NUBPL: variants seen among roughly 807,000 people sequenced by gnomAD.
NUBPL encodes the protein iron-sulfur cluster transfer protein NUBPL.
A neutral mutation model predicts 45.7 loss-of-function variants in NUBPL; 31 were observed. That is an observed-to-expected ratio of 0.68 (90% CI 0.51 to 0.92). The LOEUF (loss-of-function observed/expected upper bound fraction) is 0.92, where lower values mean the gene tolerates loss of function less well. Among genes scored for constraint, NUBPL ranks in the 40% least tolerant of loss-of-function variants. NUBPL has a pLI of 0.00. For missense variants in NUBPL, 401 were observed against 398.7 expected (o/e 1.01, Z -0.05); for synonymous variants, 144 against 140.9 (o/e 1.02, Z -0.15).
intron 8 of NUBPL, among the ~76,000 whole-genome samples, chr14:31,840,417 C>CA (rs1282645303): frequency 2.0e-5 from 3 of 151,700 alleles, no homozygotes; most frequent in Admixed American, 2.0e-4. Flanking sequence ...ACTAGAAATA[C>CA]AAAAAAATTA....
At chr14:31,804,503 G>C (rs1429868558) in intron 7 of NUBPL, among the ~76,000 whole-genome samples, 1 of 152,056 alleles carries the variant, frequency 6.6e-6, no homozygotes, top group Non-Finnish European at 1.5e-5. Context: ...CTATCAAGAG[G>C]TCATCTAGCC....
At chr14:31,585,876 G>C (rs1231162499) in intron 3 of NUBPL, among the ~76,000 whole-genome samples, 1 of 152,138 alleles carries the variant, frequency 6.6e-6, no homozygotes, top group Non-Finnish European at 1.5e-5. Flanking sequence ...TTCTTAGAGA[G>C]TACAGATGTA....
chr14:31,683,609 C>G (rs755103917), intron 6 of NUBPL, among the ~76,000 whole-genome samples: 2 of 152,114 alleles, frequency 1.3e-5, no homozygotes, highest in Admixed American at 6.5e-5. Context: ...CCTCAGCCCC[C>G]CAAAGTGCTG....
intron 3 of NUBPL, among the ~76,000 whole-genome samples, chr14:31,574,065 A>G (rs1409534869): frequency 2.0e-5 from 3 of 152,206 alleles, no homozygotes; most frequent in Admixed American, 6.5e-5. Context: ...TAAGGTGCCT[A>G]TAGTTTTGTT....
At chr14:31,729,409 G>A (rs2038001668) in intron 6 of NUBPL, among the ~76,000 whole-genome samples, 1 of 151,122 alleles carries the variant, frequency 6.6e-6, no homozygotes, top group Admixed American at 6.6e-5. Flanking sequence ...AACAAACATA[G>A]AATAAATAGT....
intron 3 of NUBPL, among the ~76,000 whole-genome samples, chr14:31,570,419 A>G (rs1418641434): frequency 1.3e-5 from 2 of 152,328 alleles, no homozygotes; most frequent in South Asian, 2.1e-4. Flanking sequence ...GATGAGATAT[A>G]TTCAGTGTCA....
rs1364529723 is a variant in NUBPL, at chr14:31,707,935, A to T, written c.513+34361A>T. On this transcript the variant is annotated intron_variant, in intron 6 of 10. Coordinates refer to ENST00000281081, the MANE Select transcript of NUBPL (RefSeq NM_025152.3). ...GGGCTATCCTTAAACCCTTGGGGCAAGACTGTCCACATAAGTTGGGACATG... is the reference window on the plus strand; with the variant it reads ...GGGCTATCCTTAAACCCTTGGGGCATGACTGTCCACATAAGTTGGGACATG... Among the ~76,000 whole-genome samples, 4 of 152,224 alleles carry T rather than the reference A, an allele frequency of 2.6e-5. No homozygotes were observed. The East Asian group carries it at 7.7e-4, about 29-fold the overall frequency.
intron 4 of NUBPL, among the ~76,000 whole-genome samples, chr14:31,637,792 A>G (rs1156575417): frequency 6.6e-6 from 1 of 152,098 alleles, no homozygotes; most frequent in Non-Finnish European, 1.5e-5. Context: ...GTGCATATAT[A>G]TTAAGATAGT....
At chr14:31,565,081 T>G (rs570236868) in intron 3 of NUBPL, 33 bp downstream of exon 3, 3 of 1,332,240 alleles carry the variant, frequency 2.3e-6, no homozygotes, top group African/African-American at 2.9e-5. Context: ...ATTAATTTAT[T>G]AAAATGTTTT....
chr14:31,706,598 G>A (rs191940140), intron 6 of NUBPL, among the ~76,000 whole-genome samples: 1 of 152,104 alleles, frequency 6.6e-6, no homozygotes, highest in Non-Finnish European at 1.5e-5. Flanking sequence ...TCCCTTACTG[G>A]TTAGTGTAAA....
intron 3 of NUBPL, among the ~76,000 whole-genome samples, chr14:31,592,866 C>T (rs2034178649): frequency 6.6e-6 from 1 of 152,224 alleles, no homozygotes; most frequent in Non-Finnish European, 1.5e-5. Flanking sequence ...CTGTAACTAC[C>T]TACTCTTCTA....
intron 4 of NUBPL, among the ~76,000 whole-genome samples, chr14:31,623,843 G>T (rs1184119246): frequency 6.6e-6 from 1 of 152,162 alleles, no homozygotes; most frequent in African/African-American, 2.4e-5. Context: ...AAAAGTCTTT[G>T]AGGTTGAGTT....
intron 7 of NUBPL, among the ~76,000 whole-genome samples, chr14:31,818,431 G>A (rs1158604212): frequency 1.3e-5 from 2 of 152,148 alleles, no homozygotes; most frequent in Admixed American, 6.6e-5. Flanking sequence ...TCTCTCACCA[G>A]TATCTTTGTT....
At chr14:31,599,924 CTT>C (rs34188934) in intron 4 of NUBPL, among the ~76,000 whole-genome samples, 12 of 135,262 alleles carry the variant, frequency 8.9e-5, no homozygotes, top group Non-Finnish European at 7.9e-5. Context: ...AGTTTTTTTT[CTT>C]TTTTTTTTTT....
intron 6 of NUBPL, among the ~76,000 whole-genome samples, chr14:31,709,827 A>G (rs537504609): frequency 7.2e-5 from 11 of 152,270 alleles, no homozygotes; most frequent in South Asian, 2.1e-4. Context: ...ATTTCTTCGC[A>G]TATTTCCTTC....
chr14:31,734,597 T>G (rs1362231601), intron 6 of NUBPL, among the ~76,000 whole-genome samples: 1 of 152,060 alleles, frequency 6.6e-6, no homozygotes, highest in East Asian at 1.9e-4. Context: ...TTCATAAATT[T>G]CTTCATTTTA....
chr14:31,785,558 A>G (rs1178428326), intron 6 of NUBPL, among the ~76,000 whole-genome samples: 1 of 152,208 alleles, frequency 6.6e-6, no homozygotes, highest in African/African-American at 2.4e-5. Flanking sequence ...GTCTTCCACA[A>G]AATGGTCCCT....
intron 7 of NUBPL, 36 bp downstream of exon 7, chr14:31,787,909 T>G (rs2039313066): frequency 1.4e-6 from 2 of 1,431,118 alleles, no homozygotes; most frequent in African/African-American, 2.8e-5. Flanking sequence ...TTGTACTTTT[T>G]TTGATGTGTT....
chr14:31,655,288 A>G (rs2036115283), intron 4 of NUBPL, among the ~76,000 whole-genome samples: 2 of 152,358 alleles, frequency 1.3e-5, no homozygotes, highest in East Asian at 3.9e-4. Flanking sequence ...TTGAAAGTCA[A>G]AATTACTTCT....
Sources: allele counts gnomAD v4.1 joint callset (sites outside exome capture counted in the v4.1 genomes callset), GRCh38; gene constraint gnomAD v4.1.1; transcripts MANE v1.5; gene names NCBI Gene and HGNC (gene_info 2026-07-23, HGNC 2026-07-21).